Variants in SSUH2 observed in about 807,000 individuals in gnomAD.
SSUH2 encodes ssu-2 homolog.
A neutral mutation model predicts 55.3 loss-of-function variants in SSUH2; 47 were observed. That is an observed-to-expected ratio of 0.85 (90% CI 0.67 to 1.08). SSUH2 has a LOEUF of 1.08. Among genes scored for constraint, SSUH2 ranks in the 50% least tolerant of loss-of-function variants. The pLI, the probability that SSUH2 is intolerant of heterozygous loss-of-function variation, is 0.00. For missense variants in SSUH2, 535 were observed against 490.7 expected, an observed-to-expected ratio of 1.09 and a Z score of -0.85; for synonymous variants, 212 against 191.5, an observed-to-expected ratio of 1.11 and a Z score of -0.89.
At chr3:8,676,065 C>A (rs988376242) in intron 3 of SSUH2, among the ~76,000 whole-genome samples, 1 of 152,016 alleles carries the variant, frequency 6.6e-6, no homozygotes, top group African/African-American at 2.4e-5. Context: ...ACATAAAGGC[C>A]CCCCATGCTG....
chr3:8,621,155 C>T (rs1466188162), intron 11 of SSUH2, among the ~76,000 whole-genome samples: 2 of 152,148 alleles, frequency 1.3e-5, no homozygotes, highest in Non-Finnish European at 2.9e-5. Context: ...TCCTGTGGGC[C>T]GGGCTCTGTG....
chr3:8,663,921 A>T (rs1703735963), intron 5 of SSUH2: 3 of 438,364 alleles, frequency 6.8e-6, no homozygotes, highest in Non-Finnish European at 4.6e-6. Context: ...TCTGAGTAAG[A>T]TAAAAATATT....
chr3:8,632,277 C>T (rs1263899722), intron 4 of SSUH2, among the ~76,000 whole-genome samples, 168 bp from the exon 5 acceptor site: 4 of 152,188 alleles, frequency 2.6e-5, no homozygotes, highest in East Asian at 1.9e-4. Context: ...TTCTGTTCCA[C>T]GTGCCCCCAT....
upstream of SSUH2, chr3:8,644,934 A>T: frequency 1.5e-6 from 1 of 648,834 alleles, no homozygotes; most frequent in Non-Finnish European, 2.8e-6. Flanking sequence ...CACCCAATCC[A>T]CCGGGTTCTG....
chr3:8,656,522 C>T (rs1489491585), intron 7 of SSUH2, among the ~76,000 whole-genome samples: 2 of 152,208 alleles, frequency 1.3e-5, no homozygotes, highest in East Asian at 3.8e-4. Context: ...GACGGAGCAA[C>T]AGCCATTCCA....
In SSUH2 at chr3:8,625,653, G is replaced by A. The variant is rs367744376; in HGVS notation, c.768-6C>T. On this transcript the variant is annotated splice_region_variant and splice_polypyrimidine_tract_variant and intron_variant, in intron 9 of 11. Transcript: ENST00000544814. Reference sequence around the variant, plus strand: ...ACTCAAACAAGCTGTTCTTCCTGGAGGGAAGGAGGATGAGGGATGAAAGCA... The same window carrying A: ...ACTCAAACAAGCTGTTCTTCCTGGAAGGAAGGAGGATGAGGGATGAAAGCA... 47 of 1,595,718 alleles carry A rather than the reference G, an allele frequency of 2.9e-5. No individual in the cohort carries two copies. Among genetic ancestry groups the A allele is most frequent in the Middle Eastern group, 1.7e-4 (1 of 6,040 alleles).
rs868555342 is a variant in SSUH2 at position 8,626,272 on chromosome 3, C to G, written c.724G>C (p.Gly242Arg). The G allele has an allele frequency of 6.2e-7, 1 of 1,614,130 alleles. No individual in the cohort carries two copies. Among genetic ancestry groups the G allele is most frequent in the South Asian group, 1.1e-5 (1 of 91,056 alleles). ...RGNKTCATCKGEKKLLHFIQL... is the reference protein window; with the variant it reads ...RGNKTCATCKREKKLLHFIQL... ...ATGAAGTGCAACAGCTTCTTCTCCCCCTTGCAGGTGGCGCAGGTCTTGTTC... is the reference window on the plus strand; with the variant it reads ...ATGAAGTGCAACAGCTTCTTCTCCCGCTTGCAGGTGGCGCAGGTCTTGTTC... Residue 242 changes from glycine to arginine, a missense_variant, in exon 9 of 12, where the codon GGG (glycine) becomes CGG (arginine). Transcript: ENST00000544814.
chr3:8,675,606 C>T (rs550790663), intron 3 of SSUH2, among the ~76,000 whole-genome samples: 1 of 148,126 alleles, frequency 6.8e-6, no homozygotes, highest in South Asian at 2.2e-4. Flanking sequence ...CAGAAAGAAG[C>T]AGGTCATTTG....
chr3:8,656,200 G>T (rs1013232136), intron 7 of SSUH2, among the ~76,000 whole-genome samples: 1 of 152,328 alleles, frequency 6.6e-6, no homozygotes, highest in East Asian at 1.9e-4. Flanking sequence ...GTTTGAAATT[G>T]AGAAACTTAA....
chr3:8,668,421 G>C (rs371445528), intron 5 of SSUH2, among the ~76,000 whole-genome samples: 32 of 152,284 alleles, frequency 2.1e-4, no homozygotes, highest in African/African-American at 7.7e-4. Context: ...ATCTCTCTTG[G>C]ATTATTGTCT....
At chr3:8,643,876 T>G (rs1701288808) in intron 1 of SSUH2, among the ~76,000 whole-genome samples, 1 of 152,150 alleles carries the variant, frequency 6.6e-6, no homozygotes, top group Non-Finnish European at 1.5e-5. Context: ...ATGAGAATAT[T>G]GCAGCTCAGA....
At chr3:8,620,100 G>A in intron 11 of SSUH2, 86 bp from the exon 12 acceptor site, 2 of 1,462,972 alleles carry the variant, frequency 1.4e-6, no homozygotes, top group Admixed American at 2.0e-5. Flanking sequence ...TCCCTACTGT[G>A]TGTGGTATGA....
rs1054766318 is a variant in SSUH2 at position 8,619,612 on chromosome 3, A to T, written c.*256T>A. 2.7e-5 allele frequency: 10 copies of T among 363,948 alleles called. No homozygotes were observed. Among genetic ancestry groups the T allele is most frequent in the Non-Finnish European group, 4.9e-5 (10 of 205,576 alleles). 22.5% of individuals were successfully genotyped at this position (363,948 alleles called of 1,614,324 possible). ...ACCAGAGGCAAAGTCCTTGCCATTTAAATTATTTCTCTCATTTGTTCTACA... is the reference window on the plus strand; with the variant it reads ...ACCAGAGGCAAAGTCCTTGCCATTTTAATTATTTCTCTCATTTGTTCTACA... On this transcript the variant is annotated 3_prime_UTR_variant, in exon 12 of 12. Transcript: ENST00000544814.
rs115959737 is a variant in SSUH2, at chr3:8,631,530, A to C, written c.400+519T>G. Among the ~76,000 whole-genome samples the C allele has an allele frequency of 2.1e-3, 322 of 152,282 alleles. 2 individuals carry two copies. Among genetic ancestry groups the C allele is most frequent in the African/African-American group, 7.6e-3 (314 of 41,560 alleles). On this transcript the variant is annotated intron_variant, in intron 5 of 11. Coordinates refer to ENST00000544814, the MANE Select transcript of SSUH2 (RefSeq NM_001256748.3). ...GAGCAGCAGGAGGAGAAATCCTGAA[A>C]AGCTTCTTAAAAGAAGTGACACGTG...
intron 3 of SSUH2, among the ~76,000 whole-genome samples, chr3:8,672,331 C>T (rs1322075859): frequency 2.0e-5 from 3 of 152,006 alleles, no homozygotes; most frequent in African/African-American, 4.8e-5. Context: ...TATCCTCCCC[C>T]GCCCTGCACA....
intron 1 of SSUH2, chr3:8,639,861 G>T: frequency 2.8e-6 from 2 of 727,144 alleles, no homozygotes; most frequent in Non-Finnish European, 3.4e-6. Context: ...CCCCTGTCTC[G>T]TATAAGAAAG....
At chr3:8,620,922 G>A (rs991265180) in intron 11 of SSUH2, among the ~76,000 whole-genome samples, 1 of 152,214 alleles carries the variant, frequency 6.6e-6, no homozygotes, top group Non-Finnish European at 1.5e-5. Flanking sequence ...CCTCCCACAG[G>A]GAGATGCTAA....
chr3:8,644,546 G>C (rs1701407211), intron 1 of SSUH2, among the ~76,000 whole-genome samples, 185 bp downstream of exon 1: 1 of 152,208 alleles, frequency 6.6e-6, no homozygotes, highest in African/African-American at 2.4e-5. Flanking sequence ...CGGCAATCCA[G>C]ATGCAGACCC....
Position 8,633,864 on chromosome 3 carries a change from C to G in SSUH2, c.210-69G>C, listed in dbSNP as rs545287813. 8 of 1,613,824 alleles carry G rather than the reference C, an allele frequency of 5.0e-6. No individual in the cohort carries two copies. In the East Asian group the frequency reaches 1.6e-4, roughly 31 times the overall value. ...CTGTGGACTCACGCGGGCCAGCCAG[C>G]CTCCTCAACGTGCAGGCGAGAAACT... On this transcript the variant is annotated intron_variant, in intron 3 of 11. Coordinates refer to ENST00000544814, the MANE Select transcript of SSUH2 (RefSeq NM_001256748.3).
Sources: allele counts gnomAD v4.1 joint callset (sites outside exome capture counted in the v4.1 genomes callset), GRCh38; gene constraint gnomAD v4.1.1; transcripts MANE v1.5; gene names NCBI Gene and HGNC (gene_info 2026-07-23, HGNC 2026-07-21).